NYAP2: variants seen among roughly 807,000 people sequenced by gnomAD.
NYAP2 encodes neuronal tyrosine-phosphorylated phosphoinositide-3-kinase adapter 2.
A neutral mutation model predicts 50.4 loss-of-function variants in NYAP2; 23 were observed. The ratio of observed to expected loss-of-function variants is 0.46; its 90% CI spans 0.33 to 0.65. The LOEUF is 0.65. Ranked by LOEUF, NYAP2 falls within the 30% of genes least tolerant of loss-of-function variation. The pLI, the probability that NYAP2 is intolerant of heterozygous loss-of-function variation, is 0.02. For synonymous variants in NYAP2, 394 were observed against 365.2 expected (o/e 1.08, Z -0.90); for missense variants, 885 against 861.0 (o/e 1.03, Z -0.35).
chr2:225,434,911 G>A (rs1050202662), intron 3 of NYAP2, among the ~76,000 whole-genome samples: 12 of 152,008 alleles, frequency 7.9e-5, no homozygotes, highest in Admixed American at 2.0e-4. Flanking sequence ...TAGACTTGTC[G>A]AATACCTCAA....
At chr2:225,586,046 A>G (rs1326081781) in intron 5 of NYAP2, among the ~76,000 whole-genome samples, 1 of 152,204 alleles carries the variant, frequency 6.6e-6, no homozygotes, top group Non-Finnish European at 1.5e-5. Flanking sequence ...AGCAAAACTG[A>G]TATCTCTATT....
intron 6 of NYAP2, among the ~76,000 whole-genome samples, chr2:225,643,551 G>C (rs909386877): frequency 1.1e-4 from 16 of 151,448 alleles, no homozygotes; most frequent in Non-Finnish European, 2.2e-4. Flanking sequence ...CCACTAACTT[G>C]TCATCTAGCA....
chr2:225,527,331 G>T (rs919927504), intron 4 of NYAP2, among the ~76,000 whole-genome samples: 1 of 152,070 alleles, frequency 6.6e-6, no homozygotes, highest in Non-Finnish European at 1.5e-5. Flanking sequence ...CAAATGTAAT[G>T]GATTAAAGCA....
intron 3 of NYAP2, among the ~76,000 whole-genome samples, chr2:225,476,726 A>C (rs1690114226): frequency 6.6e-6 from 1 of 152,190 alleles, no homozygotes; most frequent in Non-Finnish European, 1.5e-5. Context: ...GTGGTCCCTA[A>C]ACATAGAATT....
intron 3 of NYAP2, among the ~76,000 whole-genome samples, chr2:225,416,577 C>T (rs1358543531): frequency 6.6e-6 from 1 of 151,990 alleles, no homozygotes; most frequent in Non-Finnish European, 1.5e-5. Flanking sequence ...TAGAGACAAT[C>T]CTGGGTTTTT....
chr2:225,646,873 G>T (rs555928883), intron 6 of NYAP2, among the ~76,000 whole-genome samples: 13 of 152,076 alleles, frequency 8.5e-5, no homozygotes, highest in Non-Finnish European at 1.6e-4. Flanking sequence ...GCATCCTATG[G>T]GGGTAGAGCA....
chr2:225,684,025 G>T, the NYAP2 span, among the ~76,000 whole-genome samples: 3 of 152,104 alleles, frequency 2.0e-5, no homozygotes, highest in Non-Finnish European at 4.4e-5. Context: ...TTGATTACTT[G>T]GGGAGTAAGT....
At chr2:225,404,433 C>G (rs955021140) in intron 2 of NYAP2, among the ~76,000 whole-genome samples, 4 of 151,856 alleles carry the variant, frequency 2.6e-5, no homozygotes, top group Non-Finnish European at 5.9e-5. Flanking sequence ...TCAGTGGAAA[C>G]AATTGTAAAG....
At chr2:225,406,195 T>G (rs1270710734) in intron 2 of NYAP2, among the ~76,000 whole-genome samples, 1 of 151,852 alleles carries the variant, frequency 6.6e-6, no homozygotes. Flanking sequence ...TCACTGGGGT[T>G]TCTAGGCCAT....
intron 3 of NYAP2, among the ~76,000 whole-genome samples, chr2:225,422,209 A>C (rs1559175609): frequency 6.6e-6 from 1 of 152,236 alleles, no homozygotes; most frequent in Non-Finnish European, 1.5e-5. Context: ...AATGGGATAA[A>C]GAGAGATCGG....
chr2:225,597,758 C>G (rs2106239726), intron 5 of NYAP2, among the ~76,000 whole-genome samples: 1 of 150,958 alleles, frequency 6.6e-6, no homozygotes, highest in Middle Eastern at 3.4e-3. Flanking sequence ...AAATATTTAC[C>G]TCATAGGATT....
chr2:225,404,405 A>G (rs527404789), intron 2 of NYAP2, among the ~76,000 whole-genome samples: 74 of 152,152 alleles, frequency 4.9e-4, no homozygotes, highest in South Asian at 1.7e-3. Flanking sequence ...ACATGTGTAT[A>G]TAATGGGTAG....
downstream of NYAP2, among the ~76,000 whole-genome samples, chr2:225,657,562 T>C (rs1574735480): frequency 6.7e-6 from 1 of 148,558 alleles, no homozygotes; most frequent in South Asian, 2.1e-4. Context: ...GAAATCTCTT[T>C]CAATTTTGCT....
At chr2:225,701,039 T>A in the NYAP2 span, 5 of 151,830 alleles carry the variant, frequency 3.3e-5, no homozygotes, top group African/African-American at 1.2e-4. Flanking sequence ...AAATCTCTAC[T>A]TAAGTGGAAA....
intron 4 of NYAP2, among the ~76,000 whole-genome samples, chr2:225,561,538 G>A (rs1007934424): frequency 1.3e-5 from 2 of 152,108 alleles, no homozygotes; most frequent in African/African-American, 4.8e-5. Context: ...AGTTCCTGCT[G>A]TACTCCAGGC....
At chr2:225,409,565 A>G (rs949767123) in intron 3 of NYAP2, among the ~76,000 whole-genome samples, 2 of 152,024 alleles carry the variant, frequency 1.3e-5, no homozygotes, top group Non-Finnish European at 2.9e-5. Flanking sequence ...GGCAGGTAGA[A>G]TCCTCAGGGT....
chr2:225,692,763 T>C, the NYAP2 span, among the ~76,000 whole-genome samples: 3 of 152,076 alleles, frequency 2.0e-5, no homozygotes, highest in South Asian at 6.2e-4. Context: ...CCCAATCAAG[T>C]CATTTAGCTC....
chr2:225,666,806 T>G, the NYAP2 span, among the ~76,000 whole-genome samples: 2 of 152,156 alleles, frequency 1.3e-5, no homozygotes, highest in Admixed American at 1.3e-4. Context: ...TCTAGCTACC[T>G]TAATAGAGAT....
At chr2:225,659,503 G>A in the NYAP2 span, among the ~76,000 whole-genome samples, 2 of 152,154 alleles carry the variant, frequency 1.3e-5, no homozygotes, top group Non-Finnish European at 1.5e-5. Context: ...ACCAAAGTGA[G>A]TAAGGTTACA....
Sources: allele counts gnomAD v4.1 joint callset (sites outside exome capture counted in the v4.1 genomes callset), GRCh38; gene constraint gnomAD v4.1.1; transcripts MANE v1.5; gene names NCBI Gene and HGNC (gene_info 2026-07-23, HGNC 2026-07-21).